MYZAP: variants seen among roughly 807,000 people sequenced by gnomAD.
MYZAP encodes myocardial zonula adherens protein, also known as GRINL1A complex locus upstream.
A neutral mutation model predicts 69.4 loss-of-function variants in MYZAP; 66 were observed. The ratio of observed to expected loss-of-function variants is 0.95; its 90% CI spans 0.78 to 1.17. The LOEUF is 1.17. MYZAP is among the 50% of genes most tolerant of loss of function. The pLI, the probability that MYZAP is intolerant of heterozygous loss-of-function variation, is 0.00. For missense variants in MYZAP, 611 were observed against 556.2 expected (o/e 1.10, Z -0.99); for synonymous variants, 256 against 205.9 (o/e 1.24, Z -2.09).
intron 10 of MYZAP, among the ~76,000 whole-genome samples, chr15:57,660,889 G>A (rs576311752): frequency 6.6e-6 from 1 of 152,132 alleles, no homozygotes; most frequent in African/African-American, 2.4e-5. Context: ...CTTACTCCAG[G>A]CCACATGAGT....
intron 11 of MYZAP, among the ~76,000 whole-genome samples, chr15:57,662,435 C>A (rs1230572360): frequency 6.6e-6 from 1 of 152,136 alleles, no homozygotes; most frequent in Non-Finnish European, 1.5e-5. Context: ...TGGATATGTT[C>A]TGTGTAACAC....
chr15:57,654,586 C>T (rs1451039224), intron 10 of MYZAP, among the ~76,000 whole-genome samples: 1 of 152,262 alleles, frequency 6.6e-6, no homozygotes, highest in Admixed American at 6.5e-5. Context: ...GCTGTGTTTT[C>T]TTCATTAATT....
intron 5 of MYZAP, among the ~76,000 whole-genome samples, chr15:57,627,367 G>T (rs1045701610): frequency 8.4e-6 from 1 of 118,934 alleles, no homozygotes; most frequent in Non-Finnish European, 1.8e-5. Flanking sequence ...GAGAGACAAA[G>T]AGAGAGGGAG....
intron 1 of MYZAP, among the ~76,000 whole-genome samples, chr15:57,593,214 A>ACACACACACACACACACACACCCCCC (rs1172761785): frequency 7.1e-6 from 1 of 141,346 alleles, no homozygotes; most frequent in African/African-American, 2.8e-5. Context: ...ACACACACAC[A>ACACACACACACACACACACACCCCCC]CCCCAGAATC....
intron 4 of MYZAP, among the ~76,000 whole-genome samples, chr15:57,624,214 T>C (rs2035989399): frequency 6.6e-6 from 1 of 152,210 alleles, no homozygotes; most frequent in African/African-American, 2.4e-5. Flanking sequence ...TTCCCAAAGA[T>C]AAAAGTCCCT....
chr15:57,628,698 A>C (rs1440730960), intron 5 of MYZAP, among the ~76,000 whole-genome samples: 2 of 152,212 alleles, frequency 1.3e-5, no homozygotes. Context: ...CTAAGGGAGG[A>C]AGGTGAAATG....
intron 11 of MYZAP, among the ~76,000 whole-genome samples, chr15:57,665,874 T>TTA (rs2038545306): frequency 6.6e-6 from 1 of 152,180 alleles, no homozygotes; most frequent in Non-Finnish European, 1.5e-5. Flanking sequence ...AACTCTGCAG[T>TTA]TATACCTAAG....
At position 57,632,319 on chromosome 15, in the gene MYZAP, A is replaced by T. The variant is rs558813268; in HGVS notation, c.679-115A>T. ...GTCTTGCTGTGTCTCTCTGCTGCAGAACCCAGTGGATGGGCTCACTACCTC... is the reference window on the plus strand; with the variant it reads ...GTCTTGCTGTGTCTCTCTGCTGCAGTACCCAGTGGATGGGCTCACTACCTC... On this transcript the variant is annotated intron_variant, in intron 6 of 12. Transcript: ENST00000267853. The T allele has an allele frequency of 3.9e-6, 6 of 1,522,190 alleles. No individual in the cohort carries two copies. In the East Asian group the frequency reaches 1.4e-4, roughly 35 times the overall value. 94.3% of individuals were successfully genotyped at this position (1,522,190 alleles called of 1,614,324 possible). A position where few individuals can be genotyped will look rare whatever the true frequency, so the allele number is the denominator to read the frequency against.
chr15:57,637,874 T>A (rs1421189678), intron 9 of MYZAP, 100 bp downstream of exon 9: 4 of 1,249,036 alleles, frequency 3.2e-6, no homozygotes, highest in Non-Finnish European at 4.5e-6. Context: ...TGTGTGGTTG[T>A]ACCTTATTAC....
intron 2 of MYZAP, among the ~76,000 whole-genome samples, chr15:57,614,036 T>A (rs1464638411): frequency 6.6e-6 from 1 of 152,218 alleles, no homozygotes; most frequent in Non-Finnish European, 1.5e-5. Flanking sequence ...AAAAGCATAC[T>A]GATATTTTAT....
At chr15:57,609,134 C>G (rs1486065184) in intron 2 of MYZAP, among the ~76,000 whole-genome samples, 2 of 152,220 alleles carry the variant, frequency 1.3e-5, no homozygotes, top group Admixed American at 6.5e-5. Flanking sequence ...TACACACACA[C>G]AGAGAAATGA....
In MYZAP at chr15:57,661,538, G is replaced by T. The variant is rs376738483; in HGVS notation, c.1203+5G>T. ...ATATCTTTCTTAGAAGGAGAGGTAA[G>T]GATCTCTGTTTCTTTAAGTTGGTGT... On this transcript the variant is annotated splice_donor_5th_base_variant and intron_variant, in intron 11 of 12. Transcript: ENST00000267853. The T allele has an allele frequency of 1.2e-6, 2 of 1,605,650 alleles. No individual in the cohort carries two copies. Among genetic ancestry groups the T allele is most frequent in the African/African-American group, 1.3e-5 (1 of 74,410 alleles).
In MYZAP at chr15:57,661,317, C is replaced by A; in HGVS notation, c.1120-133C>A. The A allele has an allele frequency of 4.2e-6, 3 of 714,182 alleles. No homozygotes were observed. In the South Asian group the frequency reaches 5.2e-5, roughly 12 times the overall value. 44.2% of individuals were successfully genotyped at this position (714,182 alleles called of 1,614,324 possible). ...CTGTTTCAATGAAAACCATCCAGCC[C>A]CACTGGAAATGAGGAAAAATAGAAA... On this transcript the variant is annotated intron_variant, in intron 10 of 12. Transcript: ENST00000267853.
chr15:57,608,344 T>A (rs192906504), intron 2 of MYZAP, among the ~76,000 whole-genome samples: 71 of 152,300 alleles, frequency 4.7e-4, no homozygotes, highest in African/African-American at 1.6e-3. Flanking sequence ...TTGCTCCCAA[T>A]GTGGGTGTGT....
At chr15:57,608,771 G>A (rs143401756) in intron 2 of MYZAP, among the ~76,000 whole-genome samples, 1 of 152,156 alleles carries the variant, frequency 6.6e-6, no homozygotes, top group African/African-American at 2.4e-5. Context: ...TACCCCCTTA[G>A]ACCTTCTGGA....
At chr15:57,641,263 T>A (rs1218094271) in intron 10 of MYZAP, among the ~76,000 whole-genome samples, 1 of 152,182 alleles carries the variant, frequency 6.6e-6, no homozygotes, top group African/African-American at 2.4e-5. Flanking sequence ...ATTGTTTTTT[T>A]AAAAGACATT....
intron 10 of MYZAP, chr15:57,647,085 G>A (rs1337100280): frequency 8.1e-6 from 8 of 985,220 alleles, no homozygotes; most frequent in Admixed American, 6.2e-5. Context: ...TCCCTCAGAC[G>A]TTGGCTAGTT....
At chr15:57,600,914 A>C (rs2034368817) in intron 1 of MYZAP, among the ~76,000 whole-genome samples, 1 of 152,096 alleles carries the variant, frequency 6.6e-6, no homozygotes, top group African/African-American at 2.4e-5. Flanking sequence ...CTCTGTGTCT[A>C]CAAAAAATAA....
At chr15:57,643,084 G>A (rs1192516149) in intron 10 of MYZAP, among the ~76,000 whole-genome samples, 1 of 152,278 alleles carries the variant, frequency 6.6e-6, no homozygotes. Flanking sequence ...AGTTCTTCCA[G>A]CTGATTCTGG....
Sources: allele counts gnomAD v4.1 joint callset (sites outside exome capture counted in the v4.1 genomes callset), GRCh38; gene constraint gnomAD v4.1.1; transcripts MANE v1.5; gene names NCBI Gene and HGNC (gene_info 2026-07-23, HGNC 2026-07-21).